Variants in CLVS2 observed in about 807,000 individuals in gnomAD.
CLVS2 encodes clavesin-2.
A neutral mutation model predicts 29.0 loss-of-function variants in CLVS2; 19 were observed. The ratio of observed to expected loss-of-function variants is 0.66; its 90% confidence interval spans 0.46 to 0.96. The LOEUF (loss-of-function observed/expected upper bound fraction) is 0.96. Among genes scored for constraint, CLVS2 ranks in the 40% least tolerant of loss-of-function variants. The pLI, the probability that CLVS2 is intolerant of heterozygous loss-of-function variation, is 0.00. For synonymous variants in CLVS2, 161 were observed against 151.3 expected (o/e 1.06, Z -0.47); for missense variants, 294 against 404.1 (o/e 0.73, Z 2.34).
intron 5 of CLVS2, among the ~76,000 whole-genome samples, chr6:123,061,152 T>G (rs1196605694): frequency 6.6e-6 from 1 of 152,034 alleles, no homozygotes; most frequent in Non-Finnish European, 1.5e-5. Context: ...CATACAAAAA[T>G]TAGCCAGGCA....
intron 5 of CLVS2, among the ~76,000 whole-genome samples, chr6:123,062,381 T>C (rs1431779794): frequency 6.6e-6 from 1 of 152,084 alleles, no homozygotes; most frequent in Non-Finnish European, 1.5e-5. Flanking sequence ...CTCCTTATTG[T>C]CCTTTTCCTC....
intron 3 of CLVS2, among the ~76,000 whole-genome samples, chr6:123,046,013 T>C (rs1772501916): frequency 6.6e-6 from 1 of 151,870 alleles, no homozygotes; most frequent in Non-Finnish European, 1.5e-5. Context: ...ACTACAAAAG[T>C]GAAGGGGAGG....
At chr6:123,001,797 G>T (rs1386520703) in intron 2 of CLVS2, among the ~76,000 whole-genome samples, 1 of 152,130 alleles carries the variant, frequency 6.6e-6, no homozygotes, top group African/African-American at 2.4e-5. Context: ...AGGAAGCTTG[G>T]AAAGAAAGTA....
At chr6:123,015,848 G>A (rs2114313683) in intron 3 of CLVS2, among the ~76,000 whole-genome samples, 1 of 151,918 alleles carries the variant, frequency 6.6e-6, no homozygotes, top group African/African-American at 2.4e-5. Flanking sequence ...TGATCACCAA[G>A]GATAACTTTT....
rs1247136541 is a variant in CLVS2, at chr6:123,050,670, A to G, written c.675+1938A>G. On this transcript the variant is annotated intron_variant, in intron 4 of 5. Coordinates refer to ENST00000275162, the MANE Select transcript of CLVS2 (RefSeq NM_001010852.4). ...TAGGGGATGGAGTAGGTGGTAGAGG[A>G]TGGGATAGGGGGGACTGCTTTGTAC... 5.9e-5 allele frequency among the ~76,000 whole-genome samples: 9 copies of G among 152,130 alleles called. No individual in the cohort carries two copies. In the East Asian group the frequency reaches 1.2e-3, roughly 20 times the overall value.
At chr6:123,049,541 A>T (rs1772571282) in intron 4 of CLVS2, among the ~76,000 whole-genome samples, 1 of 152,200 alleles carries the variant, frequency 6.6e-6, no homozygotes, top group South Asian at 2.1e-4. Context: ...ACAGAAGAAA[A>T]GTTGCAGAGC....
At position 123,072,671 on chromosome 6, in the gene CLVS2, G is replaced by A. The variant is rs796406425; in HGVS notation, c.*8910G>A. The A allele has an allele frequency of 1.3e-5, 2 of 152,152 alleles. No homozygotes were observed. Among genetic ancestry groups the A allele is most frequent in the African/African-American group, 4.8e-5 (2 of 41,536 alleles). The allele number at this position is 152,152 out of a possible 1,614,324, so 9.4% of individuals were successfully genotyped here. On this transcript the variant is annotated 3_prime_UTR_variant, in exon 6 of 6. Transcript: ENST00000275162. ...GCACATGAAAGATCCTATAGTTCAT[G>A]TTCTCTTAGGTTGAATTTTCTTTTC... is the stretch of plus-strand genomic sequence containing the variant.
At chr6:123,038,699 AT>A (rs919912662) in intron 3 of CLVS2, among the ~76,000 whole-genome samples, 29 of 151,312 alleles carry the variant, frequency 1.9e-4, no homozygotes, top group African/African-American at 4.6e-4. Flanking sequence ...TTGTATATTG[AT>A]TTTTTTTTCT....
intron 4 of CLVS2, among the ~76,000 whole-genome samples, chr6:123,055,356 C>T (rs1772677962): frequency 6.6e-6 from 1 of 152,124 alleles, no homozygotes; most frequent in Admixed American, 6.5e-5. Flanking sequence ...TTGCAAGTGA[C>T]AGCTTTTTGG....
At chr6:123,011,295 A>G (rs1774745085) in intron 3 of CLVS2, 136 bp downstream of exon 3, 2 of 576,732 alleles carry the variant, frequency 3.5e-6, no homozygotes, top group Non-Finnish European at 5.7e-6. Flanking sequence ...CACAAACATT[A>G]AAATACTAAC....
intron 3 of CLVS2, among the ~76,000 whole-genome samples, chr6:123,015,204 G>A (rs575765129): frequency 6.6e-6 from 1 of 152,104 alleles, no homozygotes; most frequent in African/African-American, 2.4e-5. Context: ...GAGGCTGGAA[G>A]GGCAGGCTGA....
chr6:123,050,284 G>C (rs1275110170), intron 4 of CLVS2, among the ~76,000 whole-genome samples: 1 of 152,188 alleles, frequency 6.6e-6, no homozygotes, highest in East Asian at 1.9e-4. Flanking sequence ...CAAAAAACCT[G>C]CAGGGGCTTT....
intron 3 of CLVS2, among the ~76,000 whole-genome samples, chr6:123,043,286 CT>C (rs1284620099): frequency 2.6e-5 from 4 of 151,900 alleles, no homozygotes; most frequent in African/African-American, 9.7e-5. Flanking sequence ...TTAAATTATA[CT>C]TTTTTTGTAT....
intron 3 of CLVS2, among the ~76,000 whole-genome samples, chr6:123,031,878 A>C (rs998205814): frequency 2.2e-4 from 34 of 152,020 alleles, no homozygotes; most frequent in Non-Finnish European, 4.1e-4. Context: ...ATATTATGTC[A>C]TGTAAGATAC....
At chr6:123,014,109 C>T (rs1774791020) in intron 3 of CLVS2, among the ~76,000 whole-genome samples, 1 of 152,090 alleles carries the variant, frequency 6.6e-6, no homozygotes. Flanking sequence ...GTGAATATTG[C>T]CGCTATAAAC....
intron 3 of CLVS2, among the ~76,000 whole-genome samples, chr6:123,018,851 T>C (rs906107932): frequency 1.3e-5 from 2 of 152,016 alleles, no homozygotes; most frequent in South Asian, 2.1e-4. Flanking sequence ...AGTCTTCAAT[T>C]TGAGTTTTAA....
intron 3 of CLVS2, among the ~76,000 whole-genome samples, chr6:123,035,518 T>C (rs1327266652): frequency 1.3e-5 from 2 of 152,136 alleles, no homozygotes; most frequent in Admixed American, 6.6e-5. Context: ...ATCTACCTAG[T>C]TGAGCTACAC....
chr6:123,048,988 C>A (rs970494533), intron 4 of CLVS2, among the ~76,000 whole-genome samples: 3 of 152,026 alleles, frequency 2.0e-5, no homozygotes, highest in Non-Finnish European at 4.4e-5. Flanking sequence ...GTTAAAGACT[C>A]AATTTAAAGG....
chr6:123,041,293 C>A (rs1296999954), intron 3 of CLVS2, among the ~76,000 whole-genome samples: 1 of 152,098 alleles, frequency 6.6e-6, no homozygotes, highest in Admixed American at 6.6e-5. Flanking sequence ...CAAAGCAATG[C>A]AGCCAAATCC....
Sources: gnomAD v4.1 joint callset for allele counts (sites outside exome capture counted in the v4.1 genomes callset) on GRCh38, gnomAD v4.1.1 for gene constraint, MANE v1.5 for transcripts, NCBI Gene and HGNC (gene_info 2026-07-23, HGNC 2026-07-21) for gene names.